The following SH3RF3 variants were observed in gnomAD, a reference collection of about 807,000 sequenced individuals.
The protein encoded by SH3RF3 is E3 ubiquitin-protein ligase SH3RF3.
SH3RF3 carries 29 observed loss-of-function variants against 66.3 expected under a neutral mutation model. That is an observed-to-expected ratio of 0.44 (90% CI 0.33 to 0.60). The LOEUF (loss-of-function observed/expected upper bound fraction) is 0.60, where lower values mean the gene tolerates loss of function less well. SH3RF3 is among the 20% of genes least tolerant of loss of function. The pLI is 0.04. For missense variants in SH3RF3, 1,194 were observed against 1,190.9 expected, an observed-to-expected ratio of 1.00 and a Z score of -0.04; for synonymous variants, 583 against 532.0, an observed-to-expected ratio of 1.10 and a Z score of -1.32.
At chr2:109,147,330 C>T (rs1481098789) in intron 1 of SH3RF3, among the ~76,000 whole-genome samples, 1 of 152,136 alleles carries the variant, frequency 6.6e-6, no homozygotes, top group Non-Finnish European at 1.5e-5. Flanking sequence ...ACCTCAAATG[C>T]TTTTGTGGAC....
intron 7 of SH3RF3, among the ~76,000 whole-genome samples, chr2:109,438,791 T>A (rs1677482385): frequency 6.6e-6 from 1 of 152,214 alleles, no homozygotes; most frequent in Admixed American, 6.5e-5. Flanking sequence ...TTGTGCTCCC[T>A]GACTGGTCAG....
intron 4 of SH3RF3, among the ~76,000 whole-genome samples, chr2:109,406,639 A>C (rs1676460082): frequency 6.6e-6 from 1 of 152,160 alleles, no homozygotes; most frequent in South Asian, 2.1e-4. Flanking sequence ...TATCATCCGC[A>C]GCTGTTTTTA....
At chr2:109,354,851 T>G (rs1402180206) in intron 2 of SH3RF3, among the ~76,000 whole-genome samples, 1 of 152,258 alleles carries the variant, frequency 6.6e-6, no homozygotes, top group Non-Finnish European at 1.5e-5. Flanking sequence ...AAATGCACTT[T>G]AAAGACTCCT....
intron 1 of SH3RF3, among the ~76,000 whole-genome samples, chr2:109,260,147 A>G (rs1023861762): frequency 6.6e-6 from 1 of 152,204 alleles, no homozygotes; most frequent in Non-Finnish European, 1.5e-5. Flanking sequence ...TATTTAGGGA[A>G]TAAATGCATT....
intron 5 of SH3RF3, among the ~76,000 whole-genome samples, chr2:109,426,963 AATATAT>A (rs202130954): frequency 4.4e-5 from 5 of 113,488 alleles, no homozygotes; most frequent in Admixed American, 3.6e-4. Context: ...AGGGCAATAA[AATATAT>A]ATATATATAT....
chr2:109,392,489 G>A (rs962152800), intron 3 of SH3RF3, among the ~76,000 whole-genome samples: 41 of 152,054 alleles, frequency 2.7e-4, no homozygotes, highest in African/African-American at 9.2e-4. Flanking sequence ...CTTGGCCAGG[G>A]GTGGTCACCA....
At chr2:109,410,543 C>G (rs1166312443) in intron 4 of SH3RF3, among the ~76,000 whole-genome samples, 2 of 152,366 alleles carry the variant, frequency 1.3e-5, no homozygotes, top group South Asian at 2.1e-4. Context: ...CGACCTTGCA[C>G]TACTGGGCTC....
chr2:109,449,623 C>T, intron 8 of SH3RF3, 134 bp downstream of exon 8: 1 of 1,196,706 alleles, frequency 8.4e-7, no homozygotes, highest in South Asian at 1.6e-5. Flanking sequence ...CTAGATGAAC[C>T]AGGCGTGTGA....
chr2:109,134,630 G>A (rs1361899449), intron 1 of SH3RF3, among the ~76,000 whole-genome samples: 1 of 152,176 alleles, frequency 6.6e-6, no homozygotes, highest in Non-Finnish European at 1.5e-5. Flanking sequence ...CGGAAATTAA[G>A]GCTCCAGAAT....
At chr2:109,248,887 TTCCTGTCCTGTCCTGTCCTG>T (rs149003864) in intron 1 of SH3RF3, among the ~76,000 whole-genome samples, 66 of 145,950 alleles carry the variant, frequency 4.5e-4, no homozygotes, top group East Asian at 6.1e-4. Flanking sequence ...TTCCTGTCCT[TTCCTGTCCTGTCCTGTCCTG>T]TCCTGTCCTG....
At chr2:109,478,699 G>A (rs1409104919) in intron 8 of SH3RF3, among the ~76,000 whole-genome samples, 1 of 152,168 alleles carries the variant, frequency 6.6e-6, no homozygotes, top group Non-Finnish European at 1.5e-5. Context: ...GGAAGGGAGA[G>A]AGGGGGAGAG....
intron 1 of SH3RF3, among the ~76,000 whole-genome samples, chr2:109,316,345 C>T (rs979568658): frequency 6.6e-6 from 1 of 152,180 alleles, no homozygotes. Flanking sequence ...GTGATGGTGG[C>T]TGGCTCTACA....
intron 8 of SH3RF3, among the ~76,000 whole-genome samples, chr2:109,468,821 T>C (rs1573277410): frequency 7.7e-6 from 1 of 129,596 alleles, no homozygotes; most frequent in Non-Finnish European, 1.5e-5. Context: ...GGCAGTGCAC[T>C]CCAGCCTGGG....
intron 1 of SH3RF3, among the ~76,000 whole-genome samples, chr2:109,180,967 T>G (rs539995592): frequency 6.6e-6 from 1 of 152,350 alleles, no homozygotes; most frequent in African/African-American, 2.4e-5. Context: ...TTTACCCTGA[T>G]GCAAGCTTCC....
At chr2:109,387,862 G>C (rs1387582807) in intron 3 of SH3RF3, among the ~76,000 whole-genome samples, 2 of 152,038 alleles carry the variant, frequency 1.3e-5, no homozygotes, top group Non-Finnish European at 2.9e-5. Flanking sequence ...GATGGTTGGG[G>C]GGGGGGTCTC....
At chr2:109,178,859 A>G (rs549754157) in intron 1 of SH3RF3, among the ~76,000 whole-genome samples, 15 of 152,360 alleles carry the variant, frequency 9.8e-5, no homozygotes, top group Non-Finnish European at 1.9e-4. Flanking sequence ...CACTGAATTA[A>G]TAAATGAATT....
chr2:109,297,112 G>C (rs529787366), intron 1 of SH3RF3, among the ~76,000 whole-genome samples: 1 of 151,972 alleles, frequency 6.6e-6, no homozygotes, highest in Non-Finnish European at 1.5e-5. Context: ...GCCCAATACG[G>C]CTCCACAGAG....
At chr2:109,500,476 C>T (rs192164640) in intron 9 of SH3RF3, among the ~76,000 whole-genome samples, 1 of 152,268 alleles carries the variant, frequency 6.6e-6, no homozygotes, top group African/African-American at 2.4e-5. Context: ...TTCCACACTA[C>T]AGCATATTGG....
At chr2:109,389,872 G>A (rs1374084220) in intron 3 of SH3RF3, among the ~76,000 whole-genome samples, 1 of 152,194 alleles carries the variant, frequency 6.6e-6, no homozygotes, top group African/African-American at 2.4e-5. Context: ...CCTGGGCTGT[G>A]GCTGGGCCGG....
Sources: gnomAD v4.1 joint callset for allele counts (sites outside exome capture counted in the v4.1 genomes callset) on GRCh38, gnomAD v4.1.1 for gene constraint, MANE v1.5 for transcripts, NCBI Gene and HGNC (gene_info 2026-07-23, HGNC 2026-07-21) for gene names.